MYO5B: variants seen among roughly 807,000 people sequenced by gnomAD.
The protein encoded by MYO5B is myosin VB, also known as unconventional myosin-Vb.
In MYO5B, 143 loss-of-function variants were observed where a neutral mutation model predicts 229.3. That is an observed-to-expected ratio of 0.62 (90% CI 0.54 to 0.72). The LOEUF is 0.72. Among genes scored for constraint, MYO5B ranks in the 30% least tolerant of loss-of-function variants. MYO5B has a pLI of 0.00. For missense variants in MYO5B, 2,321 were observed against 2,331.0 expected (o/e 1.00, Z 0.09); for synonymous variants, 918 against 885.2 (o/e 1.04, Z -0.66).
chr18:49,907,515 A>G (rs2144152492), intron 18 of MYO5B, among the ~76,000 whole-genome samples: 2 of 152,328 alleles, frequency 1.3e-5, no homozygotes, highest in East Asian at 3.9e-4. Flanking sequence ...AGAGTAACCC[A>G]TGATGACAGA....
intron 22 of MYO5B, among the ~76,000 whole-genome samples, chr18:49,883,578 A>ACAAATTCAATACAGAAT (rs2024611661): frequency 6.6e-6 from 1 of 152,218 alleles, no homozygotes; most frequent in African/African-American, 2.4e-5. Flanking sequence ...GATTCAATGT[A>ACAAATTCAATACAGAAT]ATCATTATGA....
At chr18:49,843,429 C>G in intron 33 of MYO5B, 37 bp from the exon 34 acceptor site, 2 of 1,611,792 alleles carry the variant, frequency 1.2e-6, no homozygotes, top group Non-Finnish European at 1.7e-6. Context: ...CAAGTTAGAT[C>G]TATGGGGGAC....
chr18:49,969,175 C>T (rs1370233825), intron 10 of MYO5B, among the ~76,000 whole-genome samples: 1 of 152,190 alleles, frequency 6.6e-6, no homozygotes, highest in African/African-American at 2.4e-5. Context: ...GACACTGTCA[C>T]AGGCTGAAGG....
At position 49,833,338 on chromosome 18, in the gene MYO5B, C is replaced by G. The variant is rs570507774; in HGVS notation, c.5394+2006G>C. The stretch of plus-strand genomic sequence containing the variant: ...AGCAATGGTTTGCTTTAACAAGTAA[C>G]TTGTCTTTATCACACATGTGAGTTC... On this transcript the variant is annotated intron_variant, in intron 39 of 39. Coordinates refer to ENST00000285039, the MANE Select transcript of MYO5B (RefSeq NM_001080467.3). Among the ~76,000 whole-genome samples the G allele has an allele frequency of 2.6e-5, 4 of 152,318 alleles. No homozygotes were observed. The East Asian group carries it at 7.7e-4, about 29-fold the overall frequency.
chr18:49,847,277 A>G lies in MYO5B; in HGVS notation c.4328T>C (p.Leu1443Ser). ...KAQDLEAAQA[L>S]AQSERKRHEL... ...ATGGCGCTTCCTCTCACTCTGGGCCAATGCCTGGGCAGCTGAGCAGGAAAG... is the reference window on the plus strand; with the variant it reads ...ATGGCGCTTCCTCTCACTCTGGGCCGATGCCTGGGCAGCTGAGCAGGAAAG... Residue 1443 changes from leucine to serine, a missense_variant, in exon 33 of 40, where the codon TTG (leucine) becomes TCG (serine). By Grantham distance (145) the Leu-to-Ser change is moderately radical. Transcript: ENST00000285039. 1 of 1,613,524 alleles carries G rather than the reference A, an allele frequency of 6.2e-7. No individual in the cohort carries two copies. Among genetic ancestry groups the G allele is most frequent in the Non-Finnish European group, 8.5e-7 (1 of 1,180,002 alleles).
At chr18:50,126,473 G>A (rs2032164257) in intron 1 of MYO5B, 1 of 154,838 alleles carries the variant, frequency 6.5e-6, no homozygotes, top group Non-Finnish European at 1.5e-5. Context: ...AAATCACAGG[G>A]GACCACAAAG....
At chr18:50,185,758 G>T (rs935162170) in intron 1 of MYO5B, among the ~76,000 whole-genome samples, 1 of 152,174 alleles carries the variant, frequency 6.6e-6, no homozygotes, top group African/African-American at 2.4e-5. Flanking sequence ...TATGGCATCA[G>T]ATCTTGGCAA....
At chr18:50,118,551 T>C (rs964231550) in intron 1 of MYO5B, among the ~76,000 whole-genome samples, 1 of 152,094 alleles carries the variant, frequency 6.6e-6, no homozygotes, top group Non-Finnish European at 1.5e-5. Flanking sequence ...ATTATTATTA[T>C]ACTTTAAGTT....
At chr18:50,086,496 G>T (rs916746796) in intron 1 of MYO5B, among the ~76,000 whole-genome samples, 4 of 152,200 alleles carry the variant, frequency 2.6e-5, no homozygotes, top group Non-Finnish European at 5.9e-5. Flanking sequence ...GCACGTGTGT[G>T]TATCACAATT....
rs1297091910 is a variant in MYO5B at position 49,937,386 on chromosome 18, C to G, written c.1764G>C (p.Val588=). The change falls in exon 15 of 40, where the codon GTG becomes GTC. Residue 588 remains valine (V), a synonymous_variant. Coordinates refer to ENST00000285039, the MANE Select transcript of MYO5B (RefSeq NM_001080467.3). ...CCTTGTCATCATGAAACAAGTCAGC[C>G]ACTAGTGGGAACTAGAAACAATCAC... The part of the protein sequence containing the change: ...NILKASKFPL[V]ADLFHDDKDP... 1 of 1,613,938 alleles carries G rather than the reference C, an allele frequency of 6.2e-7. No homozygotes were observed. The highest frequency in any genetic ancestry group is 1.3e-5 in the African/African-American group (1 of 74,892).
intron 15 of MYO5B, 56 bp downstream of exon 15, chr18:49,937,189 A>G: frequency 2.1e-5 from 34 of 1,602,152 alleles, no homozygotes; most frequent in Middle Eastern, 1.7e-4. Context: ...CTTCATCTAC[A>G]GAGAGGCCAG....
intron 1 of MYO5B, among the ~76,000 whole-genome samples, chr18:50,158,942 C>T (rs748702888): frequency 2.6e-5 from 4 of 152,188 alleles, no homozygotes; most frequent in Non-Finnish European, 5.9e-5. Flanking sequence ...CCCTACACCA[C>T]GATGTTTGCC....
chr18:50,113,186 C>CAGCATTGTT lies in MYO5B; in HGVS notation c.28-57809_28-57808insAACAATGCT, dbSNP rs1251187651. On this transcript the variant is annotated intron_variant, in intron 1 of 39. Transcript: ENST00000285039. ...ATTCTCAAAAAATATTTGCTCAGTA[C>CAGCATTGTT]CTGTAGTCAGCATTGTTCTAAGTAC... is the stretch of plus-strand genomic sequence containing the variant. Among the ~76,000 whole-genome samples the CAGCATTGTT allele has an allele frequency of 5.4e-3, 827 of 152,270 alleles. 7 individuals carry two copies. Among genetic ancestry groups the CAGCATTGTT allele is most frequent in the African/African-American group, 0.018 (751 of 41,540 alleles).
chr18:49,877,811 G>C lies in MYO5B; in HGVS notation c.3348C>G (p.Ile1116Met), dbSNP rs772501970. Residue 1116 changes from isoleucine to methionine, a missense_variant, in exon 25 of 40, where the codon ATC becomes ATG. Physicochemically the swap from Ile to Met is conservative, Grantham distance 10. Around this residue, in one of 2 missense-constraint regions of MYO5B, gnomAD observed 2,113 missense variants for 2,044.7 expected, o/e 1.03. Coordinates refer to ENST00000285039, the MANE Select transcript of MYO5B (RefSeq NM_001080467.3). Reference protein sequence around the residue: ...SLESDSNYPSISTSEIGDTED... With the variant: ...SLESDSNYPSMSTSEIGDTED... ...CAGTGTCTCCGATCTCAGATGTGGA[G>C]ATGGAGGGGTAATTGGAGTCAGATT... 1 of 1,614,164 alleles carries C rather than the reference G, an allele frequency of 6.2e-7. No homozygotes were observed. Among genetic ancestry groups the C allele is most frequent in the East Asian group, 2.2e-5 (1 of 44,882 alleles).
chr18:49,934,118 C>T (rs558520572), intron 16 of MYO5B, among the ~76,000 whole-genome samples: 2 of 152,354 alleles, frequency 1.3e-5, no homozygotes, highest in South Asian at 2.1e-4. Flanking sequence ...TCAAGTGATC[C>T]TCCTGCCTTG....
At chr18:50,110,460 T>G (rs1215634120) in intron 1 of MYO5B, among the ~76,000 whole-genome samples, 1 of 152,170 alleles carries the variant, frequency 6.6e-6, no homozygotes, top group African/African-American at 2.4e-5. Flanking sequence ...AAGAAGAAAG[T>G]GGGGTACTTG....
chr18:49,842,614 C>A (rs1286749760), intron 34 of MYO5B, among the ~76,000 whole-genome samples: 4 of 152,254 alleles, frequency 2.6e-5, no homozygotes, highest in Non-Finnish European at 5.9e-5. Flanking sequence ...ACTGCCTGGC[C>A]CTCATCCATG....
At chr18:49,920,702 G>A (rs935372343) in intron 17 of MYO5B, among the ~76,000 whole-genome samples, 4 of 152,160 alleles carry the variant, frequency 2.6e-5, no homozygotes, top group African/African-American at 9.7e-5. Context: ...TACCCAGGGG[G>A]CAACACATGC....
At chr18:50,004,415 C>G (rs1332233051) in intron 4 of MYO5B, among the ~76,000 whole-genome samples, 1 of 152,198 alleles carries the variant, frequency 6.6e-6, no homozygotes, top group Non-Finnish European at 1.5e-5. Flanking sequence ...TTGGAAATCA[C>G]CAGTAGTGCT....
Sources: allele counts gnomAD v4.1 joint callset (sites outside exome capture counted in the v4.1 genomes callset), GRCh38; gene constraint gnomAD v4.1.1; regional missense constraint gnomAD v4.1.1; transcripts MANE v1.5; gene names NCBI Gene and HGNC (gene_info 2026-07-23, HGNC 2026-07-21).